Variants in NEBL observed in about 807,000 individuals in gnomAD.
The protein encoded by NEBL is LIM and SH3 protein 2.
A neutral mutation model predicts 140.2 loss-of-function variants in NEBL; 122 were observed. The observed-to-expected ratio is 0.87, with a 90% CI of 0.75 to 1.01. The LOEUF (loss-of-function observed/expected upper bound fraction) is 1.01. NEBL is among the 50% of genes least tolerant of loss of function. NEBL has a pLI of 0.00. For missense variants in NEBL, 1,365 were observed against 1,231.3 expected (o/e 1.11, Z -1.62); for synonymous variants, 436 against 398.9 (o/e 1.09, Z -1.11).
intron 2 of NEBL, among the ~76,000 whole-genome samples, chr10:21,146,887 C>A (rs1589283264): frequency 6.6e-6 from 1 of 152,008 alleles, no homozygotes; most frequent in South Asian, 2.1e-4. Context: ...AAACAGCTGT[C>A]GAAGCTCTGG....
In NEBL at chr10:21,274,195, G is replaced by A. The variant is rs141227420; in HGVS notation, n.182+18635C>T. Among the ~76,000 whole-genome samples, 1,036 of 152,278 alleles carry A rather than the reference G, an allele frequency of 6.8e-3. 2 individuals are homozygous for A. Among genetic ancestry groups the A allele is most frequent in the Non-Finnish European group, 0.012 (794 of 68,014 alleles). On this transcript the variant is annotated intron_variant and non_coding_transcript_variant, in intron 1 of 8. Transcript: ENST00000675702. ...AGCCAACAGCCAAGAAGGAGCCCAG[G>A]TTCTCAGTCCAACATCCTTGCAGGA...
chr10:21,291,280 C>A (rs1352056170), intron 1 of NEBL, among the ~76,000 whole-genome samples: 1 of 151,420 alleles, frequency 6.6e-6, no homozygotes, highest in African/African-American at 2.4e-5. Flanking sequence ...CCAAGGCAGG[C>A]AGATCACTTG....
At chr10:21,081,957 T>C (rs1231717924) in intron 2 of NEBL, among the ~76,000 whole-genome samples, 2 of 152,206 alleles carry the variant, frequency 1.3e-5, no homozygotes, top group African/African-American at 4.8e-5. Flanking sequence ...AAAAGTTTGA[T>C]GAGGTCCAGG....
intron 3 of NEBL, among the ~76,000 whole-genome samples, chr10:21,216,858 C>T (rs190859034): frequency 2.0e-4 from 30 of 151,796 alleles, no homozygotes; most frequent in Non-Finnish European, 3.4e-4. Flanking sequence ...TGTGGTGGCA[C>T]GTGCCTGTAA....
intron 14 of NEBL, 28 bp downstream of exon 14, chr10:20,835,485 T>G (rs957994430): frequency 6.7e-7 from 1 of 1,503,542 alleles, no homozygotes; most frequent in Non-Finnish European, 9.2e-7. Context: ...ATATGAGTCT[T>G]AAGGCCTGCA....
chr10:20,799,708 C>T (rs1029771663), intron 26 of NEBL, among the ~76,000 whole-genome samples: 2 of 151,988 alleles, frequency 1.3e-5, no homozygotes, highest in African/African-American at 4.8e-5. Flanking sequence ...TGAAGGGTCA[C>T]CAATCAGTAG....
chr10:21,070,851 T>C (rs1026270337), intron 2 of NEBL, among the ~76,000 whole-genome samples: 3 of 152,132 alleles, frequency 2.0e-5, no homozygotes, highest in African/African-American at 7.2e-5. Flanking sequence ...AAACATTTCT[T>C]TTATTGTACA....
chr10:21,155,179 A>G (rs1840292470), intron 2 of NEBL, among the ~76,000 whole-genome samples: 1 of 152,210 alleles, frequency 6.6e-6, no homozygotes, highest in Non-Finnish European at 1.5e-5. Context: ...AGCCTCGGCG[A>G]CAGAGCAAGA....
chr10:21,048,672 C>T (rs1240803829), intron 2 of NEBL, among the ~76,000 whole-genome samples: 1 of 151,668 alleles, frequency 6.6e-6, no homozygotes, highest in East Asian at 1.9e-4. Context: ...GGGTAGAGAC[C>T]CAAGCAAGAG....
intron 4 of NEBL, among the ~76,000 whole-genome samples, chr10:20,907,154 C>A (rs1848126424): frequency 1.3e-5 from 2 of 151,958 alleles, no homozygotes; most frequent in African/African-American, 4.8e-5. Flanking sequence ...ATGGAAAAAA[C>A]CTTTAAAATT....
At chr10:21,181,914 T>G (rs1441980916) in intron 3 of NEBL, among the ~76,000 whole-genome samples, 12 of 152,210 alleles carry the variant, frequency 7.9e-5, no homozygotes, top group Admixed American at 7.9e-4. Flanking sequence ...GGGTCATGAA[T>G]CTATGTCTGG....
At chr10:20,902,594 C>G (rs531132772) in intron 4 of NEBL, among the ~76,000 whole-genome samples, 1 of 152,088 alleles carries the variant, frequency 6.6e-6, no homozygotes, top group Non-Finnish European at 1.5e-5. Flanking sequence ...CAAATTAAAA[C>G]GATGTACTCT....
At chr10:20,803,818 T>A (rs199853597) in intron 26 of NEBL, among the ~76,000 whole-genome samples, 28,428 of 136,182 alleles carry the variant, frequency 0.21, 4,966 homozygotes, top group African/African-American at 0.5. Flanking sequence ...GAAAAATATA[T>A]ATATATATAT....
intron 2 of NEBL, among the ~76,000 whole-genome samples, chr10:21,141,660 G>C (rs141505233): frequency 1.3e-5 from 2 of 152,130 alleles, no homozygotes; most frequent in Non-Finnish European, 2.9e-5. Flanking sequence ...AGCTGAAAAA[G>C]TAAAACTAAG....
chr10:20,855,227 T>TG (rs1842942163), intron 9 of NEBL, among the ~76,000 whole-genome samples: 1 of 129,520 alleles, frequency 7.7e-6, no homozygotes, highest in African/African-American at 2.8e-5. Flanking sequence ...GAGTCCGTCT[T>TG]AAAAAAAAAA....
chr10:21,176,088 G>A (rs752033529), upstream of NEBL, among the ~76,000 whole-genome samples: 323 of 151,546 alleles, frequency 2.1e-3, no homozygotes, highest in Non-Finnish European at 3.2e-3. Context: ...TGGCAGCCTC[G>A]ACCTCCCAGG....
chr10:20,901,577 T>C (rs1385492171), upstream of NEBL, among the ~76,000 whole-genome samples: 11 of 151,690 alleles, frequency 7.3e-5, no homozygotes, highest in Non-Finnish European at 1.6e-4. Context: ...CAGTTCTGAG[T>C]GGGGGGAAAA....
At chr10:21,110,755 G>A (rs1837965386) in intron 2 of NEBL, 1 of 510,572 alleles carries the variant, frequency 2.0e-6, no homozygotes, top group Admixed American at 2.1e-5. Context: ...CTTTAAAGTG[G>A]ATACTGATGA....
At position 20,789,795 on chromosome 10, in the gene NEBL, A is replaced by G. The variant is rs73607513; in HGVS notation, c.2762-2487T>C. On this transcript the variant is annotated intron_variant, in intron 26 of 27. Coordinates refer to ENST00000377122, the MANE Select transcript of NEBL (RefSeq NM_006393.3). ...TTGTATCTGGGAGGTCAAGGCTGCC[A>G]TGTGATCTCACCACTACACTCCAGC... is the stretch of plus-strand genomic sequence containing the variant. Among the ~76,000 whole-genome samples the G allele has an allele frequency of 5.3e-3, 811 of 152,066 alleles. 10 individuals carry two copies. The highest frequency in any genetic ancestry group is 0.019 in the African/African-American group (768 of 41,480).
Sources: allele counts gnomAD v4.1 joint callset (sites outside exome capture counted in the v4.1 genomes callset), GRCh38; gene constraint gnomAD v4.1.1; transcripts MANE v1.5; gene names NCBI Gene and HGNC (gene_info 2026-07-23, HGNC 2026-07-21).